GLRA2: variants seen among roughly 807,000 people sequenced by gnomAD.
GLRA2 encodes the protein glycine receptor subunit alpha-2.
Under a neutral mutation model 31.6 loss-of-function variants are expected in GLRA2, and 11 were observed. The observed-to-expected ratio is 0.35, with a 90% CI of 0.22 to 0.58. The LOEUF (loss-of-function observed/expected upper bound fraction) is 0.58, where lower values mean the gene tolerates loss of function less well. GLRA2 is among the 20% of genes least tolerant of loss of function. GLRA2 has a pLI of 0.84. For missense variants in GLRA2, 212 were observed against 351.8 expected, an observed-to-expected ratio of 0.60 and a Z score of 3.18; for synonymous variants, 132 against 134.0, an observed-to-expected ratio of 0.99 and a Z score of 0.10.
chrX:14,475,783 C>T, the GLRA2 span, among the ~76,000 whole-genome samples: 1 of 109,837 alleles, frequency 9.1e-6, no homozygotes, highest in African/African-American at 3.4e-5. Flanking sequence ...TAGATATTTT[C>T]TAATTAATTT....
intron 4 of GLRA2, among the ~76,000 whole-genome samples, chrX:14,595,035 A>G (rs1343234701): frequency 9.0e-6 from 1 of 110,648 alleles, no homozygotes; most frequent in African/African-American, 3.3e-5. Flanking sequence ...CCTGGGATTT[A>G]GGTCCAGCCT....
the GLRA2 span, among the ~76,000 whole-genome samples, chrX:14,489,990 CAA>C: frequency 9.1e-3 from 1,000 of 110,124 alleles, 8 homozygotes; most frequent in Middle Eastern, 0.019. Flanking sequence ...GAGAGCATGA[CAA>C]AAAGTCAAGG....
the GLRA2 span, among the ~76,000 whole-genome samples, chrX:14,496,586 C>T: frequency 4.5e-5 from 5 of 111,907 alleles, no homozygotes; most frequent in African/African-American, 1.3e-4. Flanking sequence ...AATGCTAGCA[C>T]TAAATTATTG....
intron 8 of GLRA2, among the ~76,000 whole-genome samples, chrX:14,724,328 A>T (rs759393896): frequency 1.8e-5 from 2 of 110,922 alleles, no homozygotes; most frequent in Non-Finnish European, 3.8e-5. Flanking sequence ...AATATTTGTT[A>T]AAAATGTGAG....
At chrX:14,516,778 C>G in the GLRA2 span, among the ~76,000 whole-genome samples, 1 of 111,416 alleles carries the variant, frequency 9.0e-6, no homozygotes, top group Admixed American at 9.6e-5. Context: ...AGCCCAACCT[C>G]CAGAAAGAGG....
intron 4 of GLRA2, among the ~76,000 whole-genome samples, chrX:14,591,125 G>T (rs1395194759): frequency 8.9e-6 from 1 of 112,109 alleles, no homozygotes; most frequent in Non-Finnish European, 1.9e-5. Flanking sequence ...AACACTATGG[G>T]ACCTAATATT....
At chrX:14,690,185 T>G (rs1010938463) in intron 7 of GLRA2, among the ~76,000 whole-genome samples, 1 of 112,161 alleles carries the variant, frequency 8.9e-6, no homozygotes, top group Non-Finnish European at 1.9e-5. Context: ...TTATATTGAT[T>G]TTTAAATTTC....
intron 8 of GLRA2, among the ~76,000 whole-genome samples, chrX:14,699,278 A>G (rs1355928046): frequency 8.9e-6 from 1 of 112,161 alleles, no homozygotes; most frequent in African/African-American, 3.2e-5. Context: ...TGGCTGCACC[A>G]TGCCTTACTT....
At chrX:14,565,064 A>G in intron 2 of GLRA2, among the ~76,000 whole-genome samples, 1 of 111,767 alleles carries the variant, frequency 8.9e-6, no homozygotes, top group Non-Finnish European at 1.9e-5. Context: ...GAAATGTAGG[A>G]CATAAAAAGC....
At chrX:14,675,324 C>T (rs993921627) in intron 7 of GLRA2, among the ~76,000 whole-genome samples, 5 of 111,614 alleles carry the variant, frequency 4.5e-5, no homozygotes, top group South Asian at 3.8e-4. Flanking sequence ...GAAACTCACA[C>T]GGATAGTAAG....
chrX:14,478,335 A>C, the GLRA2 span, among the ~76,000 whole-genome samples: 1 of 111,866 alleles, frequency 8.9e-6, no homozygotes, highest in Non-Finnish European at 1.9e-5. Context: ...TCGTAAGTAG[A>C]AGAATGTCTT....
At chrX:14,619,645 G>A (rs12847192) in intron 7 of GLRA2, among the ~76,000 whole-genome samples, 1 of 110,624 alleles carries the variant, frequency 9.0e-6, no homozygotes, top group South Asian at 3.8e-4. Flanking sequence ...CTCTGACCTA[G>A]GCTCTCATCA....
At position 14,633,010 on chromosome X, in the gene GLRA2, G is replaced by A. The variant is rs750968037; in HGVS notation, c.930+23805G>A. Among the ~76,000 whole-genome samples the A allele has an allele frequency of 1.8e-4, 20 of 111,565 alleles. No individual in the cohort carries two copies. In the South Asian group the frequency reaches 7.2e-3, roughly 40 times the overall value. On this transcript the variant is annotated intron_variant, in intron 7 of 8. Transcript: ENST00000218075. The stretch of plus-strand genomic sequence containing the variant: ...TCTGTCACAATTATTCAACTCTGCA[G>A]TTGTTACACAAAGACAGCCATAGAC...
intron 7 of GLRA2, among the ~76,000 whole-genome samples, chrX:14,628,782 G>A (rs2090614894): frequency 8.9e-6 from 1 of 111,764 alleles, no homozygotes; most frequent in South Asian, 3.7e-4. Flanking sequence ...AAGGGGAAAT[G>A]GCAAACAGGG....
the GLRA2 span, among the ~76,000 whole-genome samples, chrX:14,493,693 G>A: frequency 3.3e-4 from 24 of 72,210 alleles, 1 homozygote; most frequent in African/African-American, 1.2e-3. Flanking sequence ...ACATATACAC[G>A]TATATATGTA....
At chrX:14,707,783 C>T (rs188927918) in intron 8 of GLRA2, among the ~76,000 whole-genome samples, 255 of 105,453 alleles carry the variant, frequency 2.4e-3, no homozygotes, top group Middle Eastern at 4.8e-3. Context: ...TGCACGCGCG[C>T]GTGTTGCATG....
intron 8 of GLRA2, among the ~76,000 whole-genome samples, chrX:14,728,247 G>C (rs1389774972): frequency 9.1e-6 from 1 of 110,443 alleles, no homozygotes; most frequent in Non-Finnish European, 1.9e-5. Flanking sequence ...CAAAAAATTA[G>C]CTGGGCATGG....
intron 3 of GLRA2, among the ~76,000 whole-genome samples, chrX:14,580,150 C>A (rs1216539593): frequency 1.8e-5 from 2 of 111,306 alleles, no homozygotes; most frequent in Non-Finnish European, 3.8e-5. Context: ...CTCAGGCAAA[C>A]CAGGACAAGT....
At chrX:14,720,730 AC>A (rs2091853596) in intron 8 of GLRA2, among the ~76,000 whole-genome samples, 1 of 111,887 alleles carries the variant, frequency 8.9e-6, no homozygotes, top group Non-Finnish European at 1.9e-5. Context: ...CCACTGAGTA[AC>A]CTTTTTAGTC....
Sources: gnomAD v4.1 joint callset for allele counts (sites outside exome capture counted in the v4.1 genomes callset) on GRCh38, gnomAD v4.1.1 for gene constraint, MANE v1.5 for transcripts, NCBI Gene and HGNC (gene_info 2026-07-23, HGNC 2026-07-21) for gene names.